Variants in GRIN2B observed in about 807,000 individuals in gnomAD.
The protein encoded by GRIN2B is glutamate ionotropic receptor NMDA type subunit 2B.
Under a neutral mutation model 114.5 loss-of-function variants are expected in GRIN2B, and 5 were observed. That is an observed-to-expected ratio of 0.04 (90% confidence interval 0.02 to 0.09). GRIN2B has a LOEUF of 0.09. GRIN2B is among the 10% of genes least tolerant of loss of function. The probability of loss-of-function intolerance (pLI) is 1.00; values close to 1 mark genes in which losing one functional copy is unlikely to be tolerated. For missense variants in GRIN2B, 1,108 were observed against 1,943.5 expected, an observed-to-expected ratio of 0.57 and a Z score of 8.08; for synonymous variants, 787 against 745.1, an observed-to-expected ratio of 1.06 and a Z score of -0.92.
Position 13,784,218 on chromosome 12 carries a change from C to T in GRIN2B, c.412-30303G>A, listed in dbSNP as rs1393510907. 1.8e-4 allele frequency among the ~76,000 whole-genome samples: 15 copies of T among 83,646 alleles called. 1 individual carries two copies. The highest frequency in any genetic ancestry group is 1.2e-3 in the South Asian group (2 of 1,618). The allele number at this position is 83,646 out of a possible 152,430, so 54.9% of individuals were successfully genotyped here. A position where few individuals can be genotyped will look rare whatever the true frequency, so the allele number is the denominator to read the frequency against. ...CAGCCTGGGCAACAGAGTGAGACTT[C>T]GCCTCAAAAAAAAAAAAAAAAAAAA... is the stretch of plus-strand genomic sequence containing the variant. On this transcript the variant is annotated intron_variant, in intron 3 of 13. Transcript: ENST00000609686.
intron 2 of GRIN2B, among the ~76,000 whole-genome samples, chr12:13,887,484 A>G (rs926949674): frequency 6.6e-6 from 1 of 152,230 alleles, no homozygotes; most frequent in African/African-American, 2.4e-5. Context: ...ATGGGATTAC[A>G]AGGCACAGAA....
intron 5 of GRIN2B, among the ~76,000 whole-genome samples, chr12:13,641,986 G>A (rs1049692952): frequency 1.3e-5 from 2 of 152,060 alleles, no homozygotes; most frequent in African/African-American, 4.8e-5. Flanking sequence ...TCAGGAGCTC[G>A]AGACCAGCCT....
At chr12:13,713,022 T>C (rs1950427409) in intron 4 of GRIN2B, among the ~76,000 whole-genome samples, 1 of 151,772 alleles carries the variant, frequency 6.6e-6, no homozygotes, top group South Asian at 2.1e-4. Flanking sequence ...TAGCATTTAG[T>C]CCCTCCTTCA....
chr12:13,961,556 G>A (rs779482688), intron 2 of GRIN2B, among the ~76,000 whole-genome samples: 2 of 152,116 alleles, frequency 1.3e-5, no homozygotes, highest in Non-Finnish European at 2.9e-5. Context: ...GTAACAAAGT[G>A]CAAAAATGTT....
At chr12:13,575,282 T>C (rs1487046852) in intron 10 of GRIN2B, among the ~76,000 whole-genome samples, 1 of 152,114 alleles carries the variant, frequency 6.6e-6, no homozygotes, top group Non-Finnish European at 1.5e-5. Flanking sequence ...AAGAAGTATT[T>C]GAAAATAAAT....
intron 3 of GRIN2B, among the ~76,000 whole-genome samples, chr12:13,828,926 C>T (rs1431945377): frequency 6.6e-6 from 1 of 152,170 alleles, no homozygotes; most frequent in Non-Finnish European, 1.5e-5. Context: ...TATACATTAT[C>T]TGGTGCCTGT....
intron 2 of GRIN2B, among the ~76,000 whole-genome samples, chr12:13,917,946 C>G (rs1591620558): frequency 6.6e-6 from 1 of 152,162 alleles, no homozygotes; most frequent in African/African-American, 2.4e-5. Flanking sequence ...CCTCACCAGG[C>G]TCTTTGGACA....
Position 13,612,081 on chromosome 12 carries a change from A to T in GRIN2B, c.1655-231T>A, listed in dbSNP as rs1805527. On this transcript the variant is annotated intron_variant, in intron 8 of 13. Transcript: ENST00000609686. ...ACAGCTTCATGCCCGTGAGCCTCTT[A>T]GGTTGTAGAGGCAGCTTCTGCCATT... Among the ~76,000 whole-genome samples the T allele has an allele frequency of 0.089, 13,475 of 152,252 alleles. 644 individuals are homozygous for T. The highest frequency in any genetic ancestry group is 0.1 in the Non-Finnish European group (6,811 of 67,998).
At chr12:13,737,761 T>C (rs747667156) in intron 4 of GRIN2B, among the ~76,000 whole-genome samples, 28 of 152,198 alleles carry the variant, frequency 1.8e-4, no homozygotes, top group Admixed American at 6.5e-5. Context: ...TACCTGGAGG[T>C]TCTGCCATGG....
chr12:13,548,902 T>G lies in GRIN2B; in HGVS notation c.*13881A>C, dbSNP rs1313875971. 6.6e-6 allele frequency: 1 copy of G among 151,974 alleles called. No homozygotes were observed. The highest frequency in any genetic ancestry group is 2.4e-5 in the African/African-American group (1 of 41,330). 9.4% of individuals were successfully genotyped at this position (151,974 alleles called of 1,614,324 possible). A position where few individuals can be genotyped will look rare whatever the true frequency, so the allele number is the denominator to read the frequency against. On this transcript the variant is annotated 3_prime_UTR_variant, in exon 14 of 14. Coordinates refer to ENST00000609686, the MANE Select transcript of GRIN2B (RefSeq NM_000834.5). ...AACCAGGCTCCGGGGATCAGTACAC[T>G]CTGAAGTTGATGGTATAGAAGTCTC...
intron 3 of GRIN2B, among the ~76,000 whole-genome samples, chr12:13,821,649 T>G (rs1205083476): frequency 1.3e-5 from 2 of 152,218 alleles, no homozygotes; most frequent in African/African-American, 2.4e-5. Context: ...CCTGGCTCTG[T>G]GTAGTAATCT....
intron 2 of GRIN2B, among the ~76,000 whole-genome samples, chr12:13,906,415 C>T (rs559556529): frequency 2.6e-5 from 4 of 152,148 alleles, no homozygotes; most frequent in Non-Finnish European, 5.9e-5. Context: ...TACAGTTTTG[C>T]TGTATTCAAT....
At chr12:13,761,424 T>A (rs1374006946) in intron 3 of GRIN2B, among the ~76,000 whole-genome samples, 1 of 152,136 alleles carries the variant, frequency 6.6e-6, no homozygotes, top group Non-Finnish European at 1.5e-5. Context: ...AGAGACAACT[T>A]TATAGCCAGA....
At chr12:13,736,779 G>A in intron 4 of GRIN2B, among the ~76,000 whole-genome samples, 1 of 152,074 alleles carries the variant, frequency 6.6e-6, no homozygotes, top group East Asian at 1.9e-4. Context: ...CAGCACTTTG[G>A]GAGGCCAAGG....
chr12:13,611,559 G>A (rs1949365769), intron 9 of GRIN2B, among the ~76,000 whole-genome samples, 166 bp downstream of exon 9: 1 of 152,188 alleles, frequency 6.6e-6, no homozygotes, highest in African/African-American at 2.4e-5. Flanking sequence ...CTTAACTGGG[G>A]TATTTCTAAA....
intron 2 of GRIN2B, among the ~76,000 whole-genome samples, chr12:13,931,723 T>G (rs1867035189): frequency 6.6e-6 from 1 of 152,220 alleles, no homozygotes. Flanking sequence ...TCCCTAAGTC[T>G]TCCGTATCTC....
intron 2 of GRIN2B, among the ~76,000 whole-genome samples, chr12:13,954,957 A>C (rs1398162374): frequency 6.6e-6 from 1 of 152,036 alleles, no homozygotes; most frequent in Non-Finnish European, 1.5e-5. Flanking sequence ...GCTTTAGAGA[A>C]ATGCTTTCAT....
rs751965360 is a variant in GRIN2B at position 13,571,980 on chromosome 12, CAGAT to C, written c.2011-20_2011-17del. 2.7e-5 allele frequency: 43 copies of C among 1,599,906 alleles called. No individual in the cohort carries two copies. Among genetic ancestry groups the C allele is most frequent in the Non-Finnish European group, 3.5e-5 (41 of 1,168,682 alleles). ...GTCTCTGGAACTGGAGAGAGAAAGA[CAGAT>C]AGAGACAGAGCGGGAGATGGAGGGA... On this transcript the variant is annotated splice_polypyrimidine_tract_variant and intron_variant, in intron 10 of 13. Coordinates refer to ENST00000609686, the MANE Select transcript of GRIN2B (RefSeq NM_000834.5).
rs1282459498 is a variant in GRIN2B at position 13,552,666 on chromosome 12, A to G, written c.*10117T>C. The G allele has an allele frequency of 6.6e-6, 1 of 152,168 alleles. No homozygotes were observed. The highest frequency in any genetic ancestry group is 1.5e-5 in the Non-Finnish European group (1 of 68,024). 9.4% of individuals were successfully genotyped at this position (152,168 alleles called of 1,614,324 possible). A position where few individuals can be genotyped will look rare whatever the true frequency, so the allele number is the denominator to read the frequency against. On this transcript the variant is annotated 3_prime_UTR_variant, in exon 14 of 14. Coordinates refer to ENST00000609686, the MANE Select transcript of GRIN2B (RefSeq NM_000834.5). Reference sequence around the variant, plus strand: ...GATAATTTGTTTCATCAGCTAAAAAAAAAAGTCTCATAGTATAATGAAATG... The same window carrying G: ...GATAATTTGTTTCATCAGCTAAAAAGAAAAGTCTCATAGTATAATGAAATG...
Sources: gnomAD v4.1 joint callset for allele counts (sites outside exome capture counted in the v4.1 genomes callset) on GRCh38, gnomAD v4.1.1 for gene constraint, MANE v1.5 for transcripts, NCBI Gene and HGNC (gene_info 2026-07-23, HGNC 2026-07-21) for gene names.